TRPC6: variants seen among roughly 807,000 people sequenced by gnomAD.
The protein encoded by TRPC6 is transient receptor potential cation channel subfamily C member 6.
Under a neutral mutation model 90.7 loss-of-function variants are expected in TRPC6, and 55 were observed. The observed-to-expected ratio is 0.61, with a 90% CI of 0.49 to 0.76. The LOEUF is 0.76. Among genes scored for constraint, TRPC6 ranks in the 30% least tolerant of loss-of-function variants. TRPC6 has a pLI of 0.00. For synonymous variants in TRPC6, 393 were observed against 393.0 expected (o/e 1.00, Z 0.00); for missense variants, 989 against 1,122.7 (o/e 0.88, Z 1.70).
intron 1 of TRPC6, among the ~76,000 whole-genome samples, chr11:101,524,412 C>G (rs1860729560): frequency 1.3e-5 from 2 of 152,236 alleles, no homozygotes; most frequent in South Asian, 4.1e-4. Flanking sequence ...CCATGCCCAG[C>G]TAATTTTTTG....
At chr11:101,521,063 G>A (rs1860647550) in intron 1 of TRPC6, among the ~76,000 whole-genome samples, 1 of 152,226 alleles carries the variant, frequency 6.6e-6, no homozygotes, top group African/African-American at 2.4e-5. Flanking sequence ...AGGAATTAAA[G>A]CTGGCTGCAG....
At chr11:101,548,370 T>TA (rs1861365478) in intron 1 of TRPC6, among the ~76,000 whole-genome samples, 2 of 118,896 alleles carry the variant, frequency 1.7e-5, no homozygotes, top group Admixed American at 9.9e-5. Context: ...TATCTTATAA[T>TA]TATAATATAT....
At chr11:101,553,030 G>C (rs1861482699) in intron 1 of TRPC6, among the ~76,000 whole-genome samples, 2 of 152,114 alleles carry the variant, frequency 1.3e-5, no homozygotes, top group African/African-American at 4.8e-5. Context: ...CTTAAAGTCT[G>C]GGTTTGCAGA....
intron 11 of TRPC6, among the ~76,000 whole-genome samples, chr11:101,454,493 T>G (rs1858840349): frequency 6.6e-6 from 1 of 152,016 alleles, no homozygotes; most frequent in African/African-American, 2.4e-5. Context: ...TATATTTGTA[T>G]GAAGGAATAT....
At chr11:101,548,797 A>C (rs1017091586) in intron 1 of TRPC6, among the ~76,000 whole-genome samples, 2 of 152,050 alleles carry the variant, frequency 1.3e-5, no homozygotes, top group Non-Finnish European at 2.9e-5. Context: ...CTAAAATGCA[A>C]GATTTTACAA....
intron 5 of TRPC6, among the ~76,000 whole-genome samples, chr11:101,478,913 A>C (rs571120856): frequency 1.2e-4 from 19 of 152,120 alleles, no homozygotes; most frequent in Admixed American, 8.5e-4. Context: ...CGTGCTCATT[A>C]AATCTGTTTT....
At chr11:101,506,015 GA>G (rs34504825) in intron 1 of TRPC6, among the ~76,000 whole-genome samples, 29,307 of 98,698 alleles carry the variant, frequency 0.3, 3,400 homozygotes, top group African/African-American at 0.44. Flanking sequence ...CTATATCAAA[GA>G]AAAAAAAAAA....
At chr11:101,493,034 T>C (rs752624423) in intron 2 of TRPC6, among the ~76,000 whole-genome samples, 1 of 152,194 alleles carries the variant, frequency 6.6e-6, no homozygotes, top group Non-Finnish European at 1.5e-5. Context: ...CGTAAACTCA[T>C]GTCATGCTTC....
intron 1 of TRPC6, among the ~76,000 whole-genome samples, chr11:101,552,531 G>C (rs181182679): frequency 4.5e-4 from 69 of 152,218 alleles, no homozygotes; most frequent in African/African-American, 1.3e-3. Context: ...AGGTGAGTCA[G>C]AAAGTTCAAG....
chr11:101,533,741 G>A (rs1353834502), intron 1 of TRPC6, among the ~76,000 whole-genome samples: 1 of 152,054 alleles, frequency 6.6e-6, no homozygotes, highest in Admixed American at 6.5e-5. Flanking sequence ...TATAAACAGG[G>A]ACTTCTATCT....
intron 1 of TRPC6, among the ~76,000 whole-genome samples, chr11:101,554,689 A>C (rs1480971050): frequency 1.3e-5 from 2 of 152,164 alleles, no homozygotes; most frequent in Non-Finnish European, 2.9e-5. Flanking sequence ...GTGAGGAAAA[A>C]ATTTTAAAAA....
At chr11:101,499,776 CACAGTAT>C (rs1860057499) in intron 2 of TRPC6, among the ~76,000 whole-genome samples, 2 of 26,202 alleles carry the variant, frequency 7.6e-5, no homozygotes, top group Non-Finnish European at 1.5e-4. Context: ...TATATATATA[CACAGTAT>C]AAAATGTGTA....
At chr11:101,576,036 C>T (rs764293088) in intron 1 of TRPC6, among the ~76,000 whole-genome samples, 13 of 152,132 alleles carry the variant, frequency 8.5e-5, no homozygotes, top group Non-Finnish European at 1.3e-4. Flanking sequence ...ATCTGCCAGC[C>T]CCATGGTCCA....
chr11:101,547,595 C>A (rs149312446), intron 1 of TRPC6, among the ~76,000 whole-genome samples: 1 of 152,130 alleles, frequency 6.6e-6, no homozygotes, highest in South Asian at 2.1e-4. Context: ...TTGAGATCAT[C>A]GATTTCTGTT....
At chr11:101,553,750 A>G (rs7115426) in intron 1 of TRPC6, among the ~76,000 whole-genome samples, 111,482 of 151,940 alleles carry the variant, frequency 0.73, 41,577 homozygotes, top group East Asian at 0.99. Flanking sequence ...TTTTATTCAC[A>G]TCTCTTTTGG....
intron 1 of TRPC6, among the ~76,000 whole-genome samples, chr11:101,541,421 G>A (rs183607057): frequency 2.3e-3 from 348 of 152,288 alleles, no homozygotes; most frequent in African/African-American, 7.8e-3. Flanking sequence ...GAGTGCAGTA[G>A]TGCCATCTCG....
At position 101,476,496 on chromosome 11, in the gene TRPC6, C is replaced by T. The variant is rs1565209021; in HGVS notation, c.1549G>A (p.Gly517Ser). The change falls in exon 6 of 13, where the codon GGC becomes AGC. Residue 517 changes from glycine to serine, a missense_variant. Gly to Ser is a moderately conservative substitution (Grantham distance 56, BLOSUM62 0). Transcript: ENST00000344327. ...AACTCAAACAAATATTCCTTGGGGC[C>T]CTGAGTCCAGATTTCTTTACATTCA... Reference protein sequence around the residue: ...WAECKEIWTQGPKEYLFELWN... With the variant: ...WAECKEIWTQSPKEYLFELWN... 1.2e-6 allele frequency: 2 copies of T among 1,614,058 alleles called. No homozygotes were observed. Among genetic ancestry groups the T allele is most frequent in the Non-Finnish European group, 8.5e-7 (1 of 1,179,988 alleles).
intron 10 of TRPC6, among the ~76,000 whole-genome samples, chr11:101,465,866 G>A (rs1859132410): frequency 6.6e-6 from 1 of 152,136 alleles, no homozygotes; most frequent in Non-Finnish European, 1.5e-5. Flanking sequence ...GAGGTGAAGA[G>A]GCATTCTGGT....
At chr11:101,509,855 CTA>C (rs1019003895) in intron 1 of TRPC6, among the ~76,000 whole-genome samples, 2 of 152,024 alleles carry the variant, frequency 1.3e-5, no homozygotes, top group African/African-American at 4.8e-5. Context: ...ACTCTGTCAA[CTA>C]TATATGAGTC....
Sources: allele counts gnomAD v4.1 joint callset (sites outside exome capture counted in the v4.1 genomes callset), GRCh38; gene constraint gnomAD v4.1.1; transcripts MANE v1.5; gene names NCBI Gene and HGNC (gene_info 2026-07-23, HGNC 2026-07-21).